Variants in ADAMTSL1 observed in about 807,000 individuals in gnomAD.
The protein encoded by ADAMTSL1 is ADAMTS like 1.
Under a neutral mutation model 201.8 loss-of-function variants are expected in ADAMTSL1, and 126 were observed. The ratio of observed to expected loss-of-function variants is 0.62; its 90% CI spans 0.54 to 0.72. The LOEUF (loss-of-function observed/expected upper bound fraction) is 0.72, where lower values mean the gene tolerates loss of function less well. ADAMTSL1 is among the 30% of genes least tolerant of loss of function. The pLI is 0.00. For missense variants in ADAMTSL1, 2,679 were observed against 2,277.8 expected (o/e 1.18, Z -3.59); for synonymous variants, 1,121 against 903.4 (o/e 1.24, Z -4.32).
intron 2 of ADAMTSL1, among the ~76,000 whole-genome samples, chr9:18,525,356 T>C (rs1227235500): frequency 6.6e-6 from 1 of 152,150 alleles, no homozygotes; most frequent in African/African-American, 2.4e-5. Context: ...CTCTTGCTAG[T>C]GGTCTATCAA....
chr9:18,696,718 C>T (rs1456135967), intron 13 of ADAMTSL1, among the ~76,000 whole-genome samples: 3 of 152,016 alleles, frequency 2.0e-5, no homozygotes, highest in African/African-American at 7.3e-5. Context: ...CTGACAATAC[C>T]ATTTACTCAG....
chr9:18,571,094 T>A (rs1360631875), intron 3 of ADAMTSL1, among the ~76,000 whole-genome samples: 7 of 152,164 alleles, frequency 4.6e-5, no homozygotes, highest in Admixed American at 4.6e-4. Context: ...TTAGGAAAGG[T>A]GGAAAGAACC....
rs547158070 is a variant in ADAMTSL1, at chr9:18,267,461, C to G, written c.207+103480C>G. ...CTTATCAGAAACACATTTTTCTTGC[C>G]ACCAGAAGAGAGGACAAATGGCAGG... On this transcript the variant is annotated intron_variant, in intron 2 of 29. Transcript: ENST00000680146. 2.0e-4 allele frequency among the ~76,000 whole-genome samples: 31 copies of G among 152,116 alleles called. 1 individual carries two copies. In the South Asian group the frequency reaches 6.0e-3, roughly 30 times the overall value.
intron 16 of ADAMTSL1, among the ~76,000 whole-genome samples, chr9:18,756,281 CAAAAAAAAAA>C (rs11326013): frequency 4.4e-5 from 3 of 68,490 alleles, no homozygotes; most frequent in African/African-American, 1.8e-4. Flanking sequence ...TCTGTCTCGA[CAAAAAAAAAA>C]AAAAAAAAAA....
chr9:18,101,873 C>G (rs1393436355), intron 1 of ADAMTSL1, among the ~76,000 whole-genome samples: 1 of 152,132 alleles, frequency 6.6e-6, no homozygotes, highest in Non-Finnish European at 1.5e-5. Context: ...TGGGGTTGCT[C>G]TCCCACATCA....
At chr9:18,514,398 C>A (rs1818237843) in intron 2 of ADAMTSL1, among the ~76,000 whole-genome samples, 1 of 141,404 alleles carries the variant, frequency 7.1e-6, no homozygotes, top group South Asian at 2.2e-4. Context: ...GGCACTATCT[C>A]GGCTCACTGC....
intron 2 of ADAMTSL1, among the ~76,000 whole-genome samples, chr9:18,205,295 A>T (rs773082802): frequency 2.0e-5 from 3 of 152,218 alleles, no homozygotes; most frequent in Non-Finnish European, 4.4e-5. Context: ...ATTTAATTGA[A>T]TTCTAAGAGA....
At chr9:17,933,558 C>T (rs928112981) in intron 1 of ADAMTSL1, among the ~76,000 whole-genome samples, 6 of 152,068 alleles carry the variant, frequency 3.9e-5, no homozygotes, top group African/African-American at 1.4e-4. Flanking sequence ...TAAAGAAATG[C>T]CCAAGACTGA....
intron 1 of ADAMTSL1, among the ~76,000 whole-genome samples, chr9:17,964,412 G>A (rs1344822231): frequency 6.6e-6 from 1 of 152,088 alleles, no homozygotes; most frequent in Admixed American, 6.6e-5. Flanking sequence ...CAAAATTATA[G>A]CGATGAAAAC....
At chr9:18,623,216 C>T (rs1450693966) in intron 5 of ADAMTSL1, among the ~76,000 whole-genome samples, 1 of 150,110 alleles carries the variant, frequency 6.7e-6, no homozygotes, top group East Asian at 2.0e-4. Context: ...TTTTATTGAC[C>T]TTTGTGTCCT....
rs545712954 is a variant in ADAMTSL1, at chr9:18,355,041, C to T, written c.208-149788C>T. ...GACAAAGCACCTTAATATTGCCCCT[C>T]TGTCCTTCATGCTGAGTTCCAGGGA... On this transcript the variant is annotated intron_variant, in intron 2 of 29. Transcript: ENST00000680146. Among the ~76,000 whole-genome samples the T allele has an allele frequency of 4.5e-4, 69 of 152,230 alleles. No individual in the cohort carries two copies. The South Asian group carries it at 0.013, about 28-fold the overall frequency.
intron 4 of ADAMTSL1, among the ~76,000 whole-genome samples, chr9:18,618,122 A>C (rs1205395204): frequency 6.6e-6 from 1 of 152,224 alleles, no homozygotes; most frequent in African/African-American, 2.4e-5. Flanking sequence ...CTAAAAAATA[A>C]TAGCCCTTTA....
intron 2 of ADAMTSL1, among the ~76,000 whole-genome samples, chr9:18,434,960 G>T (rs1224311714): frequency 6.6e-6 from 1 of 152,182 alleles, no homozygotes; most frequent in Non-Finnish European, 1.5e-5. Flanking sequence ...ACCACATCTG[G>T]CTTTGATCAC....
At chr9:18,807,113 T>C (rs1490537882) in intron 20 of ADAMTSL1, among the ~76,000 whole-genome samples, 3 of 152,238 alleles carry the variant, frequency 2.0e-5, no homozygotes, top group Non-Finnish European at 2.9e-5. Flanking sequence ...TCACTTCTCA[T>C]ATTGGGCCTG....
chr9:18,336,701 C>G (rs982049299), intron 2 of ADAMTSL1, among the ~76,000 whole-genome samples: 1 of 152,078 alleles, frequency 6.6e-6, no homozygotes, highest in Non-Finnish European at 1.5e-5. Context: ...GTACTAAAAA[C>G]ATCAGTTCTA....
At chr9:18,654,066 A>G (rs973592124) in intron 7 of ADAMTSL1, among the ~76,000 whole-genome samples, 8 of 152,250 alleles carry the variant, frequency 5.3e-5, no homozygotes, top group African/African-American at 1.9e-4. Flanking sequence ...CGTCTCTACT[A>G]AAAATACAAA....
intron 26 of ADAMTSL1, among the ~76,000 whole-genome samples, chr9:18,905,163 G>C (rs770892430): frequency 7.2e-5 from 11 of 152,194 alleles, no homozygotes; most frequent in Non-Finnish European, 1.6e-4. Context: ...TGCTGCTTTT[G>C]TATTTCACAG....
chr9:18,701,578 A>G (rs571365659), intron 13 of ADAMTSL1, among the ~76,000 whole-genome samples: 47 of 152,236 alleles, frequency 3.1e-4, no homozygotes, highest in African/African-American at 5.3e-4. Flanking sequence ...TTCTCACCCT[A>G]CTGTCATGCC....
intron 13 of ADAMTSL1, among the ~76,000 whole-genome samples, chr9:18,697,028 T>C (rs776569): frequency 0.83 from 125,580 of 151,114 alleles, 52,552 homozygotes; most frequent in Admixed American, 0.9. Context: ...TACAGGTGTG[T>C]GCCGCCACAC....
Sources: gnomAD v4.1 joint callset for allele counts (sites outside exome capture counted in the v4.1 genomes callset) on GRCh38, gnomAD v4.1.1 for gene constraint, MANE v1.5 for transcripts, NCBI Gene and HGNC (gene_info 2026-07-23, HGNC 2026-07-21) for gene names.